The following SENP6 variants were observed in gnomAD, a reference collection of about 807,000 sequenced individuals.
The protein encoded by SENP6 is sentrin-specific protease 6.
SENP6 carries 41 observed loss-of-function variants against 134.5 expected under a neutral mutation model. The observed-to-expected ratio is 0.30, with a 90% CI of 0.24 to 0.40. The LOEUF is 0.40. SENP6 is among the 10% of genes least tolerant of loss of function. The pLI, the probability that SENP6 is intolerant of heterozygous loss-of-function variation, is 1.00. For missense variants in SENP6, 1,248 were observed against 1,312.5 expected, an observed-to-expected ratio of 0.95 and a Z score of 0.76; for synonymous variants, 395 against 429.8, an observed-to-expected ratio of 0.92 and a Z score of 1.00.
At chr6:75,684,592 G>C (rs1172824147) in intron 16 of SENP6, among the ~76,000 whole-genome samples, 1 of 152,152 alleles carries the variant, frequency 6.6e-6, no homozygotes, top group Non-Finnish European at 1.5e-5. Flanking sequence ...AGTTTATTGA[G>C]AGTTTTTAGC....
intron 5 of SENP6, among the ~76,000 whole-genome samples, chr6:75,638,616 ATATATATTTTT>A (rs1313337997): frequency 7.0e-4 from 25 of 35,746 alleles, no homozygotes; most frequent in East Asian, 4.6e-3. Context: ...ATATATATAT[ATATATATTTTT>A]TTTTTTTTTT....
At chr6:75,627,673 A>G (rs988629242) in intron 3 of SENP6, among the ~76,000 whole-genome samples, 1 of 152,126 alleles carries the variant, frequency 6.6e-6, no homozygotes, top group Admixed American at 6.6e-5. Context: ...ACACATATGT[A>G]GCTTTCAGAT....
chr6:75,697,243 G>A (rs1203812761), intron 17 of SENP6, among the ~76,000 whole-genome samples, 182 bp from the exon 18 acceptor site: 1 of 152,132 alleles, frequency 6.6e-6, no homozygotes, highest in African/African-American at 2.4e-5. Context: ...TTCAACAATG[G>A]GTAGTCCCAT....
intron 16 of SENP6, chr6:75,679,906 G>T (rs1233888359): frequency 1.3e-5 from 2 of 152,112 alleles, no homozygotes; most frequent in South Asian, 2.1e-4. Context: ...GCCTATTGGT[G>T]GTTGCAACTC....
intron 4 of SENP6, among the ~76,000 whole-genome samples, chr6:75,634,045 C>T (rs1412315968): frequency 6.6e-6 from 1 of 152,094 alleles, no homozygotes; most frequent in African/African-American, 2.4e-5. Context: ...GGTCATGTCT[C>T]CTTTAGGAAA....
rs1344445428 is a variant in SENP6, at chr6:75,659,299, A to G, written c.588A>G (p.Gln196=). ...IMKKTEESES[Q]VEPEIKRKVQ... ...AGAAAACAGAAGAGTCCGAATCACA[A>G]GTGGAGCCTGAAATTAAGAGGAAAG... is the stretch of plus-strand genomic sequence containing the variant. Residue 196 remains glutamine, a synonymous_variant, in exon 8 of 24, where the codon CAA becomes CAG. Transcript: ENST00000447266. 6.2e-7 allele frequency: 1 copy of G among 1,612,794 alleles called. No homozygotes were observed. The highest frequency in any genetic ancestry group is 8.5e-7 in the Non-Finnish European group (1 of 1,179,042).
At chr6:75,656,334 G>C (rs1321961460) in intron 7 of SENP6, among the ~76,000 whole-genome samples, 1 of 151,834 alleles carries the variant, frequency 6.6e-6, no homozygotes, top group Non-Finnish European at 1.5e-5. Context: ...TCTCATCCCT[G>C]TAAGAGGGAT....
rs1005967030 is a variant in SENP6, at chr6:75,713,734, T to G, written c.3038T>G (p.Val1013Gly). The change falls in exon 23 of 24, where the codon GTT (valine) becomes GGT (glycine). Residue 1013 changes from valine to glycine, a missense_variant. Physicochemically the swap from Val to Gly is moderately radical, Grantham distance 109. This residue lies in a region of SENP6 where 386 missense variants were observed against 395.0 expected (regional missense o/e 0.98). Transcript: ENST00000447266. ...KGSKRSFSKD[V>G]MKGSNPKVPQ... ...AGCAAAAGAAGTTTTTCCAAAGATG[T>G]TATGAAGGGCTCTAATCCAAAAGTA... is the stretch of plus-strand genomic sequence containing the variant. 12 of 1,613,418 alleles carry G rather than the reference T, an allele frequency of 7.4e-6. No homozygotes were observed. The highest frequency in any genetic ancestry group is 1.0e-5 in the Non-Finnish European group (12 of 1,179,532).
At chr6:75,695,119 G>T (rs796692670) in intron 16 of SENP6, among the ~76,000 whole-genome samples, 43 of 151,940 alleles carry the variant, frequency 2.8e-4, no homozygotes, top group African/African-American at 1.0e-3. Context: ...CAGGTGATCT[G>T]CCCACCTCAG....
chr6:75,699,644 C>T (rs745919883), intron 18 of SENP6, among the ~76,000 whole-genome samples: 7 of 151,260 alleles, frequency 4.6e-5, no homozygotes, highest in Non-Finnish European at 7.4e-5. Flanking sequence ...CATGCTACCA[C>T]GCCCAGCTAA....
Position 75,713,531 on chromosome 6 carries a change from G to C in SENP6, c.2928G>C (p.Met976Ile). Residue 976 changes from methionine to isoleucine, a missense_variant, in exon 22 of 24, where the codon ATG (methionine) becomes ATC (isoleucine). This residue lies in a region of SENP6 where 386 missense variants were observed against 395.0 expected (regional missense o/e 0.98). Coordinates refer to ENST00000447266, the MANE Select transcript of SENP6 (RefSeq NM_015571.4). ...CCTGCAGACCTTGTATCCTACTTAT[G>C]GACTCACTCCGAGGCCCTTCTCGGT... Reference protein sequence around the residue: ...TICKQPCILLMDSLRGPSRSN... With the variant: ...TICKQPCILLIDSLRGPSRSN... 1 of 1,613,454 alleles carries C rather than the reference G, an allele frequency of 6.2e-7. No individual in the cohort carries two copies. The highest frequency in any genetic ancestry group is 8.5e-7 in the Non-Finnish European group (1 of 1,179,710).
At chr6:75,658,629 A>G (rs897010648) in intron 7 of SENP6, among the ~76,000 whole-genome samples, 1 of 152,044 alleles carries the variant, frequency 6.6e-6, no homozygotes, top group South Asian at 2.1e-4. Context: ...ATATCGAGAA[A>G]AATTCTCTTG....
At chr6:75,684,332 G>A (rs1773677681) in intron 16 of SENP6, among the ~76,000 whole-genome samples, 2 of 152,186 alleles carry the variant, frequency 1.3e-5, no homozygotes, top group South Asian at 4.1e-4. Context: ...ACACAATCAT[G>A]TCATCTGCAA....
intron 5 of SENP6, among the ~76,000 whole-genome samples, chr6:75,639,390 A>C (rs518969): frequency 0.31 from 46,817 of 151,762 alleles, 7,865 homozygotes; most frequent in African/African-American, 0.45. Context: ...AATTTTTTTT[A>C]AATTTGTATA....
intron 11 of SENP6, among the ~76,000 whole-genome samples, chr6:75,672,547 T>A (rs929399260): frequency 5.3e-5 from 8 of 152,186 alleles, no homozygotes; most frequent in Non-Finnish European, 1.2e-4. Flanking sequence ...AGCATGAGAT[T>A]TTTAGCAAAG....
intron 8 of SENP6, among the ~76,000 whole-genome samples, chr6:75,662,233 G>A (rs759749809): frequency 2.2e-4 from 33 of 152,012 alleles, no homozygotes; most frequent in Non-Finnish European, 3.1e-4. Context: ...ATTTAATTTT[G>A]TAAAACGCCT....
At chr6:75,705,318 G>A (rs907578875) in intron 19 of SENP6, among the ~76,000 whole-genome samples, 4 of 151,984 alleles carry the variant, frequency 2.6e-5, no homozygotes, top group Non-Finnish European at 5.9e-5. Context: ...AGGCTGAGGC[G>A]GGTGGATCAG....
intron 16 of SENP6, among the ~76,000 whole-genome samples, chr6:75,690,169 C>G (rs1425687429): frequency 6.6e-6 from 1 of 152,128 alleles, no homozygotes; most frequent in Non-Finnish European, 1.5e-5. Flanking sequence ...CCTTGGCTTC[C>G]CAAAGTTCTG....
intron 10 of SENP6, among the ~76,000 whole-genome samples, chr6:75,667,594 A>G (rs1278820719): frequency 6.6e-6 from 1 of 152,238 alleles, no homozygotes; most frequent in African/African-American, 2.4e-5. Flanking sequence ...GTTGTCAAGA[A>G]TCCAAGGGAA....
Sources: allele counts gnomAD v4.1 joint callset (sites outside exome capture counted in the v4.1 genomes callset), GRCh38; gene constraint gnomAD v4.1.1; regional missense constraint gnomAD v4.1.1; transcripts MANE v1.5; gene names NCBI Gene and HGNC (gene_info 2026-07-23, HGNC 2026-07-21).